The following NLGN1 variants were observed in gnomAD, a reference collection of about 807,000 sequenced individuals.
The protein encoded by NLGN1 is neuroligin-1.
NLGN1 carries 12 observed loss-of-function variants against 65.5 expected under a neutral mutation model. That is an observed-to-expected ratio of 0.18 (90% CI 0.12 to 0.30). The LOEUF (loss-of-function observed/expected upper bound fraction) is 0.30, where lower values mean the gene tolerates loss of function less well. Ranked by LOEUF, NLGN1 falls within the 10% of genes least tolerant of loss-of-function variation. NLGN1 has a pLI of 1.00. For synonymous variants in NLGN1, 350 were observed against 359.5 expected, an observed-to-expected ratio of 0.97 and a Z score of 0.30; for missense variants, 750 against 1,007.1, an observed-to-expected ratio of 0.74 and a Z score of 3.46.
chr3:173,850,091 A>G (rs1295049465), intron 4 of NLGN1, among the ~76,000 whole-genome samples: 1 of 152,130 alleles, frequency 6.6e-6, no homozygotes, highest in Non-Finnish European at 1.5e-5. Flanking sequence ...AAATATCCTC[A>G]AGAAGTCTCA....
At chr3:174,116,919 A>G (rs1410845358) in intron 4 of NLGN1, among the ~76,000 whole-genome samples, 1 of 152,166 alleles carries the variant, frequency 6.6e-6, no homozygotes, top group Non-Finnish European at 1.5e-5. Context: ...TATTCCGTGA[A>G]TGGAAAGTAT....
intron 4 of NLGN1, among the ~76,000 whole-genome samples, chr3:174,055,455 C>T (rs1241601832): frequency 5.9e-5 from 9 of 151,956 alleles, no homozygotes; most frequent in Admixed American, 2.0e-4. Flanking sequence ...TCTGATCAAG[C>T]AATGATGACT....
intron 1 of NLGN1, among the ~76,000 whole-genome samples, chr3:173,412,875 G>T (rs1338861371): frequency 6.6e-6 from 1 of 152,098 alleles, no homozygotes; most frequent in Non-Finnish European, 1.5e-5. Flanking sequence ...TGGCCTGATT[G>T]TGATAAGGCC....
At chr3:173,881,373 A>G (rs1210620669) in intron 4 of NLGN1, among the ~76,000 whole-genome samples, 1 of 142,510 alleles carries the variant, frequency 7.0e-6, no homozygotes, top group Non-Finnish European at 1.5e-5. Context: ...CTGGGATTAC[A>G]GGCCTGAGCC....
chr3:173,640,623 A>T (rs1313686715), intron 3 of NLGN1, among the ~76,000 whole-genome samples: 2 of 152,142 alleles, frequency 1.3e-5, no homozygotes, highest in Non-Finnish European at 2.9e-5. Context: ...TACCTAATTG[A>T]CCCAAGTAGT....
rs138198699 is a variant in NLGN1 at position 173,825,890 on chromosome 3, A to G, written c.646+18058A>G. Among the ~76,000 whole-genome samples, 212 of 152,098 alleles carry G rather than the reference A, an allele frequency of 1.4e-3. 1 individual carries two copies. The highest frequency in any genetic ancestry group is 4.8e-3 in the African/African-American group (199 of 41,514). ...TTTTAAATAAGTCTTGTGGTAGAGC[A>G]AAGTAGAGTTCATTCTGAGTCATGG... On this transcript the variant is annotated intron_variant, in intron 4 of 6. Coordinates refer to ENST00000457714, the Ensembl canonical transcript of NLGN1.
chr3:173,956,415 A>C (rs1229202716), intron 4 of NLGN1, among the ~76,000 whole-genome samples: 1 of 152,000 alleles, frequency 6.6e-6, no homozygotes, highest in Non-Finnish European at 1.5e-5. Flanking sequence ...TTCTTCCCTT[A>C]TCTCTTCTTC....
At chr3:173,686,634 T>G (rs1161046980) in intron 3 of NLGN1, among the ~76,000 whole-genome samples, 3 of 152,126 alleles carry the variant, frequency 2.0e-5, no homozygotes, top group Non-Finnish European at 4.4e-5. Flanking sequence ...ACAAGATCCA[T>G]AACCTACTCC....
At chr3:173,570,262 A>T (rs891662276) in intron 2 of NLGN1, among the ~76,000 whole-genome samples, 1 of 152,212 alleles carries the variant, frequency 6.6e-6, no homozygotes, top group African/African-American at 2.4e-5. Flanking sequence ...CCTTTCAAAC[A>T]GGGAGAAAAC....
chr3:173,652,370 G>A (rs1392596460), intron 3 of NLGN1, among the ~76,000 whole-genome samples: 1 of 152,080 alleles, frequency 6.6e-6, no homozygotes, highest in Non-Finnish European at 1.5e-5. Flanking sequence ...ATTTTCCTTA[G>A]GTTTTTGTCT....
At chr3:174,069,144 G>A (rs1001968587) in intron 4 of NLGN1, among the ~76,000 whole-genome samples, 10 of 152,160 alleles carry the variant, frequency 6.6e-5, no homozygotes, top group African/African-American at 2.2e-4. Context: ...TGAAGATCCA[G>A]GAGGAGCCCC....
chr3:173,818,637 A>C (rs564196760), intron 4 of NLGN1, among the ~76,000 whole-genome samples: 64 of 152,280 alleles, frequency 4.2e-4, no homozygotes, highest in Non-Finnish European at 7.2e-4. Context: ...GAGAGTGACT[A>C]GCCCTTAGGT....
chr3:173,432,065 T>G (rs1265842913), intron 1 of NLGN1, among the ~76,000 whole-genome samples: 1 of 152,212 alleles, frequency 6.6e-6, no homozygotes, highest in Non-Finnish European at 1.5e-5. Context: ...TGATAGCTCA[T>G]TTCTTTTTAG....
intron 4 of NLGN1, among the ~76,000 whole-genome samples, chr3:174,177,926 C>T (rs73036591): frequency 1.4e-4 from 21 of 152,180 alleles, no homozygotes; most frequent in African/African-American, 5.1e-4. Flanking sequence ...CATGGGAAGG[C>T]AGAAGAGTGA....
chr3:173,474,131 C>T (rs2148938463), intron 2 of NLGN1, among the ~76,000 whole-genome samples: 1 of 152,098 alleles, frequency 6.6e-6, no homozygotes, highest in Admixed American at 6.5e-5. Flanking sequence ...CAGCCTCCCC[C>T]TCCTCCTTTT....
At chr3:173,883,713 A>G (rs1733766277) in intron 4 of NLGN1, among the ~76,000 whole-genome samples, 1 of 151,204 alleles carries the variant, frequency 6.6e-6, no homozygotes, top group Non-Finnish European at 1.5e-5. Flanking sequence ...TCCCTGTACT[A>G]TATATATTGA....
chr3:174,022,249 A>T (rs1226671949), intron 4 of NLGN1, among the ~76,000 whole-genome samples: 1 of 152,154 alleles, frequency 6.6e-6, no homozygotes, highest in East Asian at 1.9e-4. Flanking sequence ...TCTTTTGCTT[A>T]TTCAGTTTGC....
chr3:174,157,438 GTTT>G (rs1250652097), intron 4 of NLGN1, among the ~76,000 whole-genome samples: 1 of 151,372 alleles, frequency 6.6e-6, no homozygotes, highest in Non-Finnish European at 1.5e-5. Flanking sequence ...TTGATGAAAG[GTTT>G]TTAAAAAAAT....
intron 4 of NLGN1, among the ~76,000 whole-genome samples, chr3:173,879,522 A>C (rs114320610): frequency 0.012 from 1,799 of 152,288 alleles, 43 homozygotes; most frequent in African/African-American, 0.038. Flanking sequence ...ATCCTTGAGC[A>C]TAGTTATAAT....
Sources: allele counts gnomAD v4.1 joint callset (sites outside exome capture counted in the v4.1 genomes callset), GRCh38; gene constraint gnomAD v4.1.1; transcripts MANE v1.5; gene names NCBI Gene and HGNC (gene_info 2026-07-23, HGNC 2026-07-21).